The following TMEM94 variants were observed in gnomAD, a reference collection of about 807,000 sequenced individuals.
TMEM94 encodes ER Mg2+ ATPase.
In TMEM94, 81 loss-of-function variants were observed where a neutral mutation model predicts 158.6. The ratio of observed to expected loss-of-function variants is 0.51; its 90% confidence interval spans 0.43 to 0.61. TMEM94 has a LOEUF of 0.61. TMEM94 is among the 20% of genes least tolerant of loss of function. TMEM94 has a pLI of 0.00. For missense variants in TMEM94, 1,435 were observed against 1,762.0 expected (o/e 0.81, Z 3.32); for synonymous variants, 751 against 730.7 (o/e 1.03, Z -0.45).
At chr17:75,481,290 C>T (rs1365663623) in intron 2 of TMEM94, among the ~76,000 whole-genome samples, 3 of 152,248 alleles carry the variant, frequency 2.0e-5, no homozygotes, top group East Asian at 1.9e-4. Context: ...AGGTCCCCGC[C>T]GGGAGGGCCA....
chr17:75,492,395 C>T lies in TMEM94; in HGVS notation c.1597-79C>T, dbSNP rs1386419555. ...TTTCAGGGGCAGGAGCCCTCCCCAGCCTTGGGAGGTGGGCAGAGCCAGTGC... is the reference window on the plus strand; with the variant it reads ...TTTCAGGGGCAGGAGCCCTCCCCAGTCTTGGGAGGTGGGCAGAGCCAGTGC... On this transcript the variant is annotated intron_variant, in intron 14 of 31. Transcript: ENST00000314256. This position sits in a 1 kb window ranked among gnomAD's most constrained non-coding sequence, Gnocchi z 4.4. 3 of 1,492,390 alleles carry T rather than the reference C, an allele frequency of 2.0e-6. No homozygotes were observed. In the South Asian group the frequency reaches 4.1e-5, roughly 20 times the overall value. 92.4% of individuals were successfully genotyped at this position (1,492,390 alleles called of 1,614,324 possible). A position where few individuals can be genotyped will look rare whatever the true frequency, so the allele number is the denominator to read the frequency against.
chr17:75,470,480 C>T (rs1057308996), intron 1 of TMEM94, among the ~76,000 whole-genome samples: 7 of 151,568 alleles, frequency 4.6e-5, no homozygotes, highest in Admixed American at 2.0e-4. Context: ...CCAAGACAGG[C>T]GGATCATGAG....
intron 2 of TMEM94, among the ~76,000 whole-genome samples, chr17:75,478,309 GCC>G (rs2050869335): frequency 7.4e-6 from 1 of 134,328 alleles, no homozygotes; most frequent in South Asian, 2.4e-4. Flanking sequence ...GAGCCACCGC[GCC>G]CGGCCGAGAC....
chr17:75,497,225 C>T (rs376002230), intron 26 of TMEM94, 27 bp downstream of exon 26: 1 of 1,583,370 alleles, frequency 6.3e-7, no homozygotes, highest in Non-Finnish European at 8.7e-7. Context: ...CTTCCCCACA[C>T]CCCATGCCTA....
At position 75,486,191 on chromosome 17, in the gene TMEM94, C is replaced by G. The variant is rs943045807; in HGVS notation, c.273-99C>G. The G allele has an allele frequency of 2.6e-6, 4 of 1,548,810 alleles. No individual in the cohort carries two copies. In the African/African-American group the frequency reaches 5.4e-5, roughly 21 times the overall value. ...GGGCACCAGAACGGGACAGTCTTTC[C>G]ACAAGGGACTGGGGTGGGAAGGGGA... is the stretch of plus-strand genomic sequence containing the variant. On this transcript the variant is annotated intron_variant, in intron 4 of 31. Coordinates refer to ENST00000314256, the MANE Select transcript of TMEM94 (RefSeq NM_014738.6).
chr17:75,488,205 C>A, intron 6 of TMEM94, 71 bp downstream of exon 6: 3 of 1,458,664 alleles, frequency 2.1e-6, no homozygotes. Context: ...GGAGGGTCCC[C>A]AGACTTCATC....
At position 75,485,059 on chromosome 17, in the gene TMEM94, C is replaced by T. The variant is rs1456188932; in HGVS notation, c.25-369C>T. On this transcript the variant is annotated intron_variant, in intron 2 of 31. Transcript: ENST00000314256. This position sits in a 1 kb window ranked among gnomAD's most constrained non-coding sequence, Gnocchi z 5.5. ...TCTAAAAAAAAAAAAAAAAATTGTC[C>T]ATGCAATCAAAGACTGGCCCCCTTG... Among the ~76,000 whole-genome samples the T allele has an allele frequency of 6.6e-6, 1 of 151,622 alleles. No homozygotes were observed. Among genetic ancestry groups the T allele is most frequent in the African/African-American group, 2.4e-5 (1 of 41,190 alleles).
chr17:75,481,474 A>G (rs564434420), intron 2 of TMEM94, among the ~76,000 whole-genome samples: 18 of 152,234 alleles, frequency 1.2e-4, no homozygotes, highest in Non-Finnish European at 1.6e-4. Flanking sequence ...GCTCCACTTG[A>G]GTGCCTCCTG....
Position 75,491,196 on chromosome 17 carries a change from C to A in TMEM94, c.1233+43C>A. The stretch of plus-strand genomic sequence containing the variant: ...GGGGAGGAGGCAACTGTCATGCCCG[C>A]CCTGCTCTCTGGCTGGGCCTGGGCT... On this transcript the variant is annotated intron_variant, in intron 12 of 31. Coordinates refer to ENST00000314256, the MANE Select transcript of TMEM94 (RefSeq NM_014738.6). The surrounding 1 kb of genome is among the most constrained non-coding windows in gnomAD (Gnocchi z 5.1). 1.9e-6 allele frequency: 3 copies of A among 1,595,058 alleles called. No homozygotes were observed. The highest frequency in any genetic ancestry group is 2.6e-6 in the Non-Finnish European group (3 of 1,167,926).
chr17:75,461,814 T>C (rs1168409291), intron 1 of TMEM94, among the ~76,000 whole-genome samples: 2 of 149,382 alleles, frequency 1.3e-5, no homozygotes, highest in African/African-American at 4.9e-5. Flanking sequence ...CTCGGGAGGC[T>C]GAGGCAGGAG....
intron 1 of TMEM94, among the ~76,000 whole-genome samples, chr17:75,465,667 A>ATTTTTTT (rs2050278811): frequency 1.2e-5 from 1 of 81,906 alleles, no homozygotes; most frequent in African/African-American, 4.7e-5. Context: ...ATATATATAT[A>ATTTTTTT]TATATATATA....
rs572985858 is a variant in TMEM94, at chr17:75,495,169, C to T, written c.2729-115C>T. ...TTGGGAAATGGCTCTGATGTCCCTG[C>T]GGGAAACAGTAGTCAGCAGGAAGGA... On this transcript the variant is annotated intron_variant, in intron 20 of 31. Transcript: ENST00000314256. This position sits in a 1 kb window ranked among gnomAD's most constrained non-coding sequence, Gnocchi z 5.6. 3.7e-5 allele frequency: 52 copies of T among 1,411,178 alleles called. No homozygotes were observed. The East Asian group carries it at 4.0e-4, about 11-fold the overall frequency. 87.4% of individuals were successfully genotyped at this position (1,411,178 alleles called of 1,614,324 possible).
intron 1 of TMEM94, among the ~76,000 whole-genome samples, chr17:75,467,213 G>C (rs2050336629): frequency 6.6e-6 from 1 of 151,964 alleles, no homozygotes; most frequent in Non-Finnish European, 1.5e-5. Flanking sequence ...GTCCTCAGGT[G>C]ATCCACCCAC....
rs748259055 is a variant in TMEM94 at position 75,495,404 on chromosome 17, G to A, written c.2844+5G>A. 1.4e-5 allele frequency: 22 copies of A among 1,611,330 alleles called. No individual in the cohort carries two copies. The highest frequency in any genetic ancestry group is 7.7e-5 in the South Asian group (7 of 91,026). On this transcript the variant is annotated splice_donor_5th_base_variant and intron_variant, in intron 21 of 31. Coordinates refer to ENST00000314256, the MANE Select transcript of TMEM94 (RefSeq NM_014738.6). This position sits in a 1 kb window ranked among gnomAD's most constrained non-coding sequence, Gnocchi z 5.6. The stretch of plus-strand genomic sequence containing the variant: ...TTCCTGGAGGACTCCAACCGGGTAC[G>A]ATGGCAGGATCTGTCTCACGTGTTC...
At chr17:75,499,132 ACCTGTTACT>A in intron 31 of TMEM94, 50 bp downstream of exon 31, 1 of 1,579,512 alleles carries the variant, frequency 6.3e-7, no homozygotes, top group Non-Finnish European at 8.6e-7. Context: ...TGTTCCCTAA[ACCTGTTACT>A]CCCTTGGCGA....
At chr17:75,464,480 T>TCAAA (rs10591408) in intron 1 of TMEM94, among the ~76,000 whole-genome samples, 25 of 151,520 alleles carry the variant, frequency 1.6e-4, no homozygotes, top group Non-Finnish European at 2.2e-4. Flanking sequence ...AGGCCTTGTC[T>TCAAA]CAAACAAACA....
Position 75,491,909 on chromosome 17 carries a change from AGG to A in TMEM94, c.1596+13_1596+14del, listed in dbSNP as rs899613894. On this transcript the variant is annotated intron_variant, in intron 14 of 31. Coordinates refer to ENST00000314256, the MANE Select transcript of TMEM94 (RefSeq NM_014738.6). The surrounding 1 kb of genome is among the most constrained non-coding windows in gnomAD (Gnocchi z 5.1). ...AAGAAGAGCCCAGCAAGGTGACGGG[AGG>A]GGGTGGCACGGGGCAGCCACACCCT... is the stretch of plus-strand genomic sequence containing the variant. 1 of 1,604,834 alleles carries A rather than the reference AGG, an allele frequency of 6.2e-7. No individual in the cohort carries two copies. Among genetic ancestry groups the A allele is most frequent in the African/African-American group, 1.3e-5 (1 of 74,624 alleles).
At position 75,498,318 on chromosome 17, in the gene TMEM94, G is replaced by C; in HGVS notation, c.3633G>C (p.Leu1211=). The C allele has an allele frequency of 6.2e-7, 1 of 1,612,924 alleles. No homozygotes were observed. Among genetic ancestry groups the C allele is most frequent in the Non-Finnish European group, 8.5e-7 (1 of 1,180,014 alleles). Residue 1211 remains leucine, a synonymous_variant, in exon 28 of 32, where the codon CTG becomes CTC. Transcript: ENST00000314256. This position sits in a 1 kb window ranked among gnomAD's most constrained non-coding sequence, Gnocchi z 6.7. The stretch of plus-strand genomic sequence containing the variant: ...TCACCAACTGCTCCTCCGTCATGCT[G>C]CCCAGGTGGGTCCCAGCCCCAGAGA... ...RNLTNCSSVM[L]PSNDDRAPAW... is the part of the protein sequence containing the mutation.
In TMEM94 at chr17:75,495,834, C is replaced by A; in HGVS notation, c.2945-132C>A. On this transcript the variant is annotated intron_variant, in intron 22 of 31. Coordinates refer to ENST00000314256, the MANE Select transcript of TMEM94 (RefSeq NM_014738.6). The surrounding 1 kb of genome is among the most constrained non-coding windows in gnomAD (Gnocchi z 5.6). ...TGCCGATGTTCACATGATCCCGCTG[C>A]CGGGGGTGGGATTGTTTCAAAGAGG... The A allele has an allele frequency of 1.2e-6, 1 of 801,226 alleles. No individual in the cohort carries two copies. The allele number at this position is 801,226 out of a possible 1,614,324, so 49.6% of individuals were successfully genotyped here. A position where few individuals can be genotyped will look rare whatever the true frequency, so the allele number is the denominator to read the frequency against.
Sources: allele counts gnomAD v4.1 joint callset (sites outside exome capture counted in the v4.1 genomes callset), GRCh38; gene constraint gnomAD v4.1.1; non-coding constraint Gnocchi (gnomAD v3.1); transcripts MANE v1.5; gene names NCBI Gene and HGNC (gene_info 2026-07-23, HGNC 2026-07-21).